The following GPHN variants were observed in gnomAD, a reference collection of about 807,000 sequenced individuals.
GPHN encodes the protein gephyrin.
In GPHN, 17 loss-of-function variants were observed where a neutral mutation model predicts 95.5. The observed-to-expected ratio is 0.18, with a 90% CI of 0.12 to 0.27. The LOEUF is 0.27. GPHN is among the 10% of genes least tolerant of loss of function. GPHN has a pLI of 1.00. For synonymous variants in GPHN, 320 were observed against 322.5 expected, an observed-to-expected ratio of 0.99 and a Z score of 0.08; for missense variants, 660 against 978.1, an observed-to-expected ratio of 0.67 and a Z score of 4.34.
At chr14:66,916,233 CAT>C (rs1437227875) in intron 6 of GPHN, among the ~76,000 whole-genome samples, 164 bp downstream of exon 6, 2 of 152,248 alleles carry the variant, frequency 1.3e-5, no homozygotes, top group African/African-American at 4.8e-5. Context: ...AATGGAAAGA[CAT>C]AGAACTCACT....
chr14:67,678,286 T>C, the GPHN span: 5 of 1,278,786 alleles, frequency 3.9e-6, no homozygotes, highest in Non-Finnish European at 5.7e-6. Context: ...TGTAGTCTGC[T>C]GCAGTCTTCT....
chr14:67,225,984 C>T, the GPHN span, among the ~76,000 whole-genome samples: 1 of 149,536 alleles, frequency 6.7e-6, no homozygotes, highest in Non-Finnish European at 1.5e-5. Context: ...CGTGCGCATG[C>T]GCGTGCATGC....
At chr14:66,508,742 C>T in intron 1 of GPHN, 151 bp downstream of exon 1, 1 of 734,674 alleles carries the variant, frequency 1.4e-6, no homozygotes, top group Non-Finnish European at 2.4e-6. Flanking sequence ...CGCTGAGAAC[C>T]GCCGGAGATT....
chr14:67,058,654 A>C lies in GPHN; in HGVS notation c.1012A>C (p.Ser338Arg). The change falls in exon 11 of 23, where the codon AGT (serine) becomes CGT (arginine). Residue 338 changes from serine to arginine, a missense_variant. Ser to Arg is a moderately radical substitution (Grantham distance 110). This residue lies in a region of GPHN where 190 missense variants were observed against 224.7 expected (regional missense o/e 0.85). Coordinates refer to ENST00000478722, the MANE Select transcript of GPHN (RefSeq NM_020806.5). ...TTAATTATCTTACTGTTTAGGTCACAGTGCTGTCGATATCACCAAGGTGGC... is the reference window on the plus strand; with the variant it reads ...TTAATTATCTTACTGTTTAGGTCACCGTGCTGTCGATATCACCAAGGTGGC... ...SKENILRASHSAVDITKVARR... is the reference protein window; with the variant it reads ...SKENILRASHRAVDITKVARR... 1 of 1,612,868 alleles carries C rather than the reference A, an allele frequency of 6.2e-7. No individual in the cohort carries two copies. Among genetic ancestry groups the C allele is most frequent in the South Asian group, 1.1e-5 (1 of 91,064 alleles).
At chr14:66,585,345 G>T (rs2061375812) in intron 1 of GPHN, among the ~76,000 whole-genome samples, 1 of 152,028 alleles carries the variant, frequency 6.6e-6, no homozygotes, top group Admixed American at 6.6e-5. Context: ...ACCAGCTCCT[G>T]GATTCATTGA....
chr14:66,736,523 T>C (rs2072296899), intron 2 of GPHN, among the ~76,000 whole-genome samples: 1 of 151,576 alleles, frequency 6.6e-6, no homozygotes, highest in African/African-American at 2.4e-5. Context: ...CTCAGCCTCC[T>C]GAGTAGCTGG....
chr14:67,665,842 T>C, the GPHN span, among the ~76,000 whole-genome samples: 1 of 152,080 alleles, frequency 6.6e-6, no homozygotes, highest in South Asian at 2.1e-4. Context: ...ACAAAACCCA[T>C]GGCTGTTTGT....
At chr14:67,307,055 A>T in the GPHN span, among the ~76,000 whole-genome samples, 1 of 147,994 alleles carries the variant, frequency 6.8e-6, no homozygotes, top group Non-Finnish European at 1.5e-5. Flanking sequence ...GGCAATAATA[A>T]GCTGTGTCAG....
the GPHN span, among the ~76,000 whole-genome samples, chr14:67,402,305 A>G: frequency 3.3e-5 from 5 of 152,212 alleles, no homozygotes; most frequent in Non-Finnish European, 7.3e-5. Context: ...GTGGGTACAT[A>G]ATAAGTATAT....
the GPHN span, chr14:67,473,492 G>A: frequency 6.2e-7 from 1 of 1,614,204 alleles, no homozygotes; most frequent in East Asian, 2.2e-5. The surrounding 1 kb of genome is among the most constrained non-coding windows in gnomAD (Gnocchi z 6.5). Context: ...CGTCCTTGTC[G>A]AAGCGGAGGC....
intron 3 of GPHN, 93 bp from the exon 4 acceptor site, chr14:66,824,381 T>C (rs2061318114): frequency 2.9e-6 from 2 of 694,980 alleles, no homozygotes; most frequent in Non-Finnish European, 5.4e-6. Flanking sequence ...GAATCTGTGT[T>C]TCCTCGTTGA....
chr14:66,887,935 C>A (rs1455330652), intron 5 of GPHN, among the ~76,000 whole-genome samples: 1 of 152,058 alleles, frequency 6.6e-6, no homozygotes, highest in Admixed American at 6.6e-5. Context: ...TGCTAGAGAT[C>A]AAAAACACTA....
chr14:67,211,940 T>G, the GPHN span, among the ~76,000 whole-genome samples: 1 of 152,184 alleles, frequency 6.6e-6, no homozygotes, highest in Admixed American at 6.5e-5. Flanking sequence ...CCTGCAAAAC[T>G]TCTCAAAAAC....
chr14:67,489,332 C>T, the GPHN span, among the ~76,000 whole-genome samples: 2 of 152,220 alleles, frequency 1.3e-5, no homozygotes, highest in Admixed American at 1.3e-4. Flanking sequence ...CTGCTTCCCA[C>T]CCAAATCTCA....
At chr14:66,541,002 C>T (rs2059334639) in intron 1 of GPHN, among the ~76,000 whole-genome samples, 1 of 151,774 alleles carries the variant, frequency 6.6e-6, no homozygotes, top group African/African-American at 2.4e-5. Context: ...GGGTGGAGTG[C>T]AGTGGCACGA....
intron 17 of GPHN, among the ~76,000 whole-genome samples, chr14:67,127,055 A>G (rs1285128791): frequency 3.6e-5 from 5 of 139,740 alleles, no homozygotes; most frequent in Non-Finnish European, 4.5e-5. Flanking sequence ...ATGAGATCAC[A>G]TGGACACAGG....
the GPHN span, among the ~76,000 whole-genome samples, chr14:67,481,400 G>T: frequency 6.6e-6 from 1 of 152,186 alleles, no homozygotes; most frequent in Non-Finnish European, 1.5e-5. Flanking sequence ...GTAGATGGAG[G>T]GGAAGCACAC....
At chr14:67,569,869 C>G in the GPHN span, 1 of 1,174,456 alleles carries the variant, frequency 8.5e-7, no homozygotes, top group South Asian at 1.3e-5. Flanking sequence ...TCCCCCACAC[C>G]CCTTCCTGGG....
intron 9 of GPHN, among the ~76,000 whole-genome samples, 169 bp downstream of exon 9, chr14:66,965,494 A>G (rs1370439780): frequency 6.6e-6 from 1 of 152,226 alleles, no homozygotes; most frequent in Non-Finnish European, 1.5e-5. Flanking sequence ...TTGTCATATT[A>G]GGCCACTAGT....
Sources: gnomAD v4.1 joint callset for allele counts (sites outside exome capture counted in the v4.1 genomes callset) on GRCh38, gnomAD v4.1.1 for gene constraint, gnomAD v4.1.1 regional missense constraint, Gnocchi (gnomAD v3.1) non-coding constraint, MANE v1.5 for transcripts, NCBI Gene and HGNC (gene_info 2026-07-23, HGNC 2026-07-21) for gene names.